DIRAS2: variants seen among roughly 807,000 people sequenced by gnomAD.
DIRAS2 encodes GTP-binding protein Di-Ras2.
A neutral mutation model predicts 13.9 loss-of-function variants in DIRAS2; 5 were observed. That is an observed-to-expected ratio of 0.36 (90% CI 0.19 to 0.76). The LOEUF is 0.76. Among genes scored for constraint, DIRAS2 ranks in the 30% least tolerant of loss-of-function variants. The pLI is 0.53. For missense variants in DIRAS2, 191 were observed against 263.0 expected, an observed-to-expected ratio of 0.73 and a Z score of 1.89; for synonymous variants, 111 against 105.4, an observed-to-expected ratio of 1.05 and a Z score of -0.33.
At chr9:90,630,545 TAG>T (rs1344559538) in intron 1 of DIRAS2, among the ~76,000 whole-genome samples, 1 of 152,206 alleles carries the variant, frequency 6.6e-6, no homozygotes, top group Admixed American at 6.5e-5. Flanking sequence ...TAAAATACAA[TAG>T]AGTCTTTCCA....
chr9:90,613,524 C>T lies in DIRAS2; in HGVS notation c.304G>A (p.Glu102Lys). The T allele has an allele frequency of 6.2e-7, 1 of 1,614,078 alleles. No homozygotes were observed. Among genetic ancestry groups the T allele is most frequent in the Non-Finnish European group, 8.5e-7 (1 of 1,180,026 alleles). ...QSLEELKPIY[E>K]QICEIKGDVE... ...TCCCCTTTGATCTCGCAGATTTGTTCGTAGATGGGCTTGAGCTCCTCCAAG... is the reference window on the plus strand; with the variant it reads ...TCCCCTTTGATCTCGCAGATTTGTTTGTAGATGGGCTTGAGCTCCTCCAAG... The change falls in exon 2 of 2, where the codon GAA (glutamate) becomes AAA (lysine). Residue 102 changes from glutamate to lysine, a missense_variant. Coordinates refer to ENST00000375765, the MANE Select transcript of DIRAS2 (RefSeq NM_017594.5). This position sits in a 1 kb window ranked among gnomAD's most constrained non-coding sequence, Gnocchi z 5.6.
intron 1 of DIRAS2, among the ~76,000 whole-genome samples, chr9:90,633,815 C>T (rs1825347591): frequency 6.6e-6 from 1 of 152,140 alleles, no homozygotes; most frequent in South Asian, 2.1e-4. Flanking sequence ...AATGGCACCA[C>T]AGGGTAGAAG....
chr9:90,638,297 C>A (rs1282328652), intron 1 of DIRAS2, among the ~76,000 whole-genome samples: 1 of 152,070 alleles, frequency 6.6e-6, no homozygotes, highest in African/African-American at 2.4e-5. Context: ...GTAAATCTGG[C>A]AAAATTAAAA....
intron 1 of DIRAS2, among the ~76,000 whole-genome samples, chr9:90,632,219 C>A (rs1825331684): frequency 6.6e-6 from 1 of 152,208 alleles, no homozygotes; most frequent in South Asian, 2.1e-4. Flanking sequence ...GGCCCTGTCT[C>A]CCTGACAGTA....
chr9:90,635,212 G>T (rs1215005046), intron 1 of DIRAS2, among the ~76,000 whole-genome samples: 4 of 152,188 alleles, frequency 2.6e-5, no homozygotes, highest in South Asian at 2.1e-4. Flanking sequence ...AAACAAGGAA[G>T]CTCTGGATGA....
At chr9:90,621,434 AGTTC>A (rs751233823) in intron 1 of DIRAS2, among the ~76,000 whole-genome samples, 9 of 152,122 alleles carry the variant, frequency 5.9e-5, no homozygotes, top group Non-Finnish European at 1.0e-4. Flanking sequence ...GGCAGGTGTT[AGTTC>A]AGAAGCGCAA....
chr9:90,631,137 A>G (rs1825321102), intron 1 of DIRAS2, among the ~76,000 whole-genome samples: 1 of 152,180 alleles, frequency 6.6e-6, no homozygotes, highest in Non-Finnish European at 1.5e-5. Context: ...ACTCCCTGAA[A>G]AGTTGATATG....
intron 1 of DIRAS2, among the ~76,000 whole-genome samples, chr9:90,637,144 G>T (rs75870685): frequency 0.055 from 8,376 of 152,198 alleles, 272 homozygotes; most frequent in Admixed American, 0.068. Context: ...TTGAAGTACA[G>T]TTTCTACCGA....
chr9:90,613,780 G>T lies in DIRAS2; in HGVS notation c.48C>A (p.Gly16=), dbSNP rs375807372. The part of the protein sequence containing the change: ...NDYRVAVFGA[G]GVGKSSLVLR... ...ACACCAGGGAGCTCTTGCCAACACC[G>T]CCAGCCCCAAACACGGCCACCCGGT... Residue 16 remains glycine, a synonymous_variant, in exon 2 of 2, where the codon GGC becomes GGA. Transcript: ENST00000375765. The surrounding 1 kb of genome is among the most constrained non-coding windows in gnomAD (Gnocchi z 5.6). 3.1e-6 allele frequency: 5 copies of T among 1,614,060 alleles called. No homozygotes were observed. The highest frequency in any genetic ancestry group is 3.3e-5 in the Admixed American group (2 of 60,012).
chr9:90,613,092 G>T lies in DIRAS2; in HGVS notation c.*136C>A. Reference sequence around the variant, plus strand: ...TGGTGGTGTGAAACGCCCTCTTAAGGACAATAGGACGCATCTCGATTAAAT... The same window carrying T: ...TGGTGGTGTGAAACGCCCTCTTAAGTACAATAGGACGCATCTCGATTAAAT... On this transcript the variant is annotated 3_prime_UTR_variant, in exon 2 of 2. Transcript: ENST00000375765. The surrounding 1 kb of genome is among the most constrained non-coding windows in gnomAD (Gnocchi z 5.6). The T allele has an allele frequency of 7.7e-7, 1 of 1,297,794 alleles. No homozygotes were observed. The highest frequency in any genetic ancestry group is 1.1e-6 in the Non-Finnish European group (1 of 949,236). The allele number at this position is 1,297,794 out of a possible 1,614,324, so 80.4% of individuals were successfully genotyped here.
chr9:90,614,771 C>T (rs976655809), intron 1 of DIRAS2, among the ~76,000 whole-genome samples: 8 of 152,088 alleles, frequency 5.3e-5, no homozygotes, highest in Non-Finnish European at 7.4e-5. Flanking sequence ...TCAGGTATTA[C>T]CAGGATAGTA....
chr9:90,637,268 T>A (rs1825379908), intron 1 of DIRAS2, among the ~76,000 whole-genome samples: 1 of 152,238 alleles, frequency 6.6e-6, no homozygotes, highest in African/African-American at 2.4e-5. Flanking sequence ...CAGATTGTGT[T>A]TTTTAACAGC....
chr9:90,615,912 A>T (rs1825164792), intron 1 of DIRAS2, among the ~76,000 whole-genome samples: 1 of 152,242 alleles, frequency 6.6e-6, no homozygotes, highest in Non-Finnish European at 1.5e-5. Context: ...AAACCATAGA[A>T]AATGGACAAT....
In DIRAS2 at chr9:90,613,661, G is replaced by A; in HGVS notation, c.167C>T (p.Thr56Ile). ...CCCCGTCGTGTCGGTGATCTGCAATGTGCATATGCTCTTGTCACAGCTGAT... is the reference window on the plus strand; with the variant it reads ...CCCCGTCGTGTCGGTGATCTGCAATATGCATATGCTCTTGTCACAGCTGAT... ...QVISCDKSIC[T>I]LQITDTTGSH... The change falls in exon 2 of 2, where the codon ACA becomes ATA. Residue 56 changes from threonine to isoleucine, a missense_variant. Transcript: ENST00000375765. The surrounding 1 kb of genome is among the most constrained non-coding windows in gnomAD (Gnocchi z 5.6). 6.2e-7 allele frequency: 1 copy of A among 1,614,198 alleles called. No individual in the cohort carries two copies. The highest frequency in any genetic ancestry group is 1.3e-5 in the African/African-American group (1 of 75,042).
intron 1 of DIRAS2, among the ~76,000 whole-genome samples, chr9:90,621,373 G>A (rs527513770): frequency 6.6e-6 from 1 of 152,232 alleles, no homozygotes; most frequent in Admixed American, 6.5e-5. Flanking sequence ...CGGGGCCTAG[G>A]ATGCAAATGG....
At chr9:90,632,867 G>A (rs1215466602) in intron 1 of DIRAS2, among the ~76,000 whole-genome samples, 1 of 152,206 alleles carries the variant, frequency 6.6e-6, no homozygotes, top group East Asian at 1.9e-4. Flanking sequence ...CAGGATCTCA[G>A]ATGGGGCTTC....
At chr9:90,629,873 C>T (rs973154266) in intron 1 of DIRAS2, among the ~76,000 whole-genome samples, 1 of 151,930 alleles carries the variant, frequency 6.6e-6, no homozygotes, top group South Asian at 2.1e-4. Flanking sequence ...TCTGCAGATG[C>T]GGATGCCACA....
intron 1 of DIRAS2, among the ~76,000 whole-genome samples, chr9:90,642,302 T>G (rs1216049229): frequency 6.6e-6 from 1 of 152,186 alleles, no homozygotes; most frequent in Non-Finnish European, 1.5e-5. Context: ...TTTAGACAGG[T>G]CTCGGCCAAG....
At chr9:90,629,290 CA>C (rs1214485597) in intron 1 of DIRAS2, among the ~76,000 whole-genome samples, 4 of 152,178 alleles carry the variant, frequency 2.6e-5, no homozygotes, top group Non-Finnish European at 4.4e-5. Flanking sequence ...CTCTTTCCAG[CA>C]CAGTTTAATA....
Sources: allele counts gnomAD v4.1 joint callset (sites outside exome capture counted in the v4.1 genomes callset), GRCh38; gene constraint gnomAD v4.1.1; non-coding constraint Gnocchi (gnomAD v3.1); transcripts MANE v1.5; gene names NCBI Gene and HGNC (gene_info 2026-07-23, HGNC 2026-07-21).